MOSMO: variants seen among roughly 807,000 people sequenced by gnomAD.
MOSMO encodes modulator of smoothened protein.
MOSMO carries 5 observed loss-of-function variants against 18.4 expected under a neutral mutation model. That is an observed-to-expected ratio of 0.27 (90% CI 0.14 to 0.57). The LOEUF is 0.57. Ranked by LOEUF, MOSMO falls within the 20% of genes least tolerant of loss-of-function variation. MOSMO has a pLI of 0.92. For missense variants in MOSMO, 138 were observed against 211.8 expected (o/e 0.65, Z 2.16); for synonymous variants, 82 against 82.3 (o/e 1.00, Z 0.02).
At chr16:22,086,430 C>T (rs920511539), downstream of MOSMO, among the ~76,000 whole-genome samples, 3 of 152,120 alleles carry the variant, frequency 2.0e-5, no homozygotes, top group East Asian at 5.8e-4. Flanking sequence ...TGTGTCTGTA[C>T]CACCTCCTCT....
intron 1 of MOSMO, among the ~76,000 whole-genome samples, chr16:22,027,766 C>A (rs2141991981): frequency 6.6e-6 from 1 of 152,270 alleles, no homozygotes; most frequent in Non-Finnish European, 1.5e-5. Context: ...CTGCTAAACA[C>A]CTACTCTACT....
chr16:22,079,670 G>A (rs1901039267), intron 2 of MOSMO, among the ~76,000 whole-genome samples: 2 of 152,194 alleles, frequency 1.3e-5, no homozygotes, highest in Admixed American at 1.3e-4. Context: ...TCAGAAACCA[G>A]ACAGAGATTT....
intron 1 of MOSMO, among the ~76,000 whole-genome samples, chr16:22,011,150 C>T (rs374272331): frequency 1.3e-5 from 2 of 152,196 alleles, no homozygotes; most frequent in South Asian, 2.1e-4. Flanking sequence ...AGCACTGATG[C>T]GTCGTGGAAG....
chr16:22,088,645 G>A (rs1189629320), downstream of MOSMO, among the ~76,000 whole-genome samples: 1 of 152,222 alleles, frequency 6.6e-6, no homozygotes, highest in Non-Finnish European at 1.5e-5. Flanking sequence ...GTAAATTCAT[G>A]TGTTATGTGC....
chr16:22,075,580 C>T lies in MOSMO; in HGVS notation c.200C>T (p.Thr67Ile). 1 of 1,537,294 alleles carries T rather than the reference C, an allele frequency of 6.5e-7. No homozygotes were observed. Among genetic ancestry groups the T allele is most frequent in the Non-Finnish European group, 8.7e-7 (1 of 1,146,900 alleles). ...CCCCGGCTTCCCCCGGAGTGGGTCA[C>T]CACACTGTTTTTTATCATCATGGGA... ...IPPRLPPEWV[T>I]TLFFIIMGII... Residue 67 changes from threonine (T) to isoleucine (I), a missense_variant, in exon 2 of 3, where the codon ACC becomes ATC. Thr to Ile is a moderately conservative substitution (Grantham distance 89, BLOSUM62 -1). Coordinates refer to ENST00000542527, the MANE Select transcript of MOSMO (RefSeq NM_001164579.2).
At chr16:22,030,779 T>C (rs1899977696) in intron 1 of MOSMO, among the ~76,000 whole-genome samples, 1 of 152,246 alleles carries the variant, frequency 6.6e-6, no homozygotes, top group Admixed American at 6.5e-5. Flanking sequence ...TATGCCCACC[T>C]TGGCCTCCCA....
intron 1 of MOSMO, among the ~76,000 whole-genome samples, chr16:22,009,114 T>C (rs1039113348): frequency 6.6e-6 from 1 of 152,170 alleles, no homozygotes; most frequent in African/African-American, 2.4e-5. Context: ...TTTGAGAAGC[T>C]TGTGGCTTCG....
downstream of MOSMO, chr16:22,092,518 C>A (rs997444593): frequency 9.1e-5 from 121 of 1,326,648 alleles, 1 homozygote; most frequent in Admixed American, 2.6e-3. Flanking sequence ...CTAACACATT[C>A]CCGCAGGGCA....
intron 1 of MOSMO, among the ~76,000 whole-genome samples, chr16:22,067,260 C>T (rs575841123): frequency 2.0e-4 from 30 of 151,964 alleles, no homozygotes; most frequent in South Asian, 1.5e-3. Flanking sequence ...ATACACATAA[C>T]GGGAATTCCT....
rs1901089208 is a variant in MOSMO, at chr16:22,081,778, A to G, written c.*898A>G. On this transcript the variant is annotated 3_prime_UTR_variant, in exon 3 of 3. Coordinates refer to ENST00000542527, the MANE Select transcript of MOSMO (RefSeq NM_001164579.2). ...AAAGCCATTTATCTGAAGGCTGCAT[A>G]GTGGAGAGAGTCTTCAGTTTACCTC... The G allele has an allele frequency of 1.3e-5, 2 of 152,082 alleles. No homozygotes were observed. The highest frequency in any genetic ancestry group is 6.6e-5 in the Admixed American group (1 of 15,260). The allele number at this position is 152,082 out of a possible 1,614,324, so 9.4% of individuals were successfully genotyped here. A position where few individuals can be genotyped will look rare whatever the true frequency, so the allele number is the denominator to read the frequency against.
chr16:22,035,499 C>T (rs1184140442), intron 1 of MOSMO, among the ~76,000 whole-genome samples: 1 of 151,758 alleles, frequency 6.6e-6, no homozygotes, highest in East Asian at 1.9e-4. Flanking sequence ...GCCTGGGCCC[C>T]TCTGGAATTT....
chr16:22,049,137 G>A (rs1900373766), intron 1 of MOSMO, among the ~76,000 whole-genome samples: 2 of 152,094 alleles, frequency 1.3e-5, no homozygotes, highest in Admixed American at 1.3e-4. Flanking sequence ...CCCAACCTGT[G>A]TTTCTTGCTG....
intron 2 of MOSMO, among the ~76,000 whole-genome samples, chr16:22,080,319 G>A (rs1202959063): frequency 6.6e-6 from 1 of 152,078 alleles, no homozygotes; most frequent in African/African-American, 2.4e-5. Flanking sequence ...GGGAACCAGA[G>A]GCTTAAGATT....
At chr16:22,091,033 C>T (rs1251771158), downstream of MOSMO, among the ~76,000 whole-genome samples, 1 of 151,110 alleles carries the variant, frequency 6.6e-6, no homozygotes, top group Non-Finnish European at 1.5e-5. Context: ...GGCTCCCGTG[C>T]CTAAAAAAAA....
chr16:22,071,703 T>C (rs1186652662), intron 1 of MOSMO, among the ~76,000 whole-genome samples: 1 of 152,208 alleles, frequency 6.6e-6, no homozygotes, highest in Non-Finnish European at 1.5e-5. Context: ...ATTTCCTTTT[T>C]CCTATTGTGT....
At chr16:22,036,777 A>C (rs538234593) in intron 1 of MOSMO, among the ~76,000 whole-genome samples, 1 of 152,272 alleles carries the variant, frequency 6.6e-6, no homozygotes, top group East Asian at 1.9e-4. Flanking sequence ...CAAACTGCCA[A>C]ATTGTTTTCT....
intron 1 of MOSMO, among the ~76,000 whole-genome samples, chr16:22,039,595 G>A (rs563235718): frequency 5.3e-5 from 8 of 152,314 alleles, no homozygotes; most frequent in African/African-American, 1.9e-4. Context: ...ACTTTGGGGG[G>A]CCAAGGTGGG....
chr16:22,032,061 T>G (rs1047220226), intron 1 of MOSMO, among the ~76,000 whole-genome samples: 1 of 152,202 alleles, frequency 6.6e-6, no homozygotes, highest in African/African-American at 2.4e-5. Context: ...GGGTATGAAG[T>G]AGTTTCTCTT....
chr16:22,012,715 A>C (rs1326308159), intron 1 of MOSMO, among the ~76,000 whole-genome samples: 2 of 147,684 alleles, frequency 1.4e-5, no homozygotes, highest in East Asian at 4.0e-4. Context: ...CTCAGCTTCT[A>C]CTTGAACTAC....
Sources: gnomAD v4.1 joint callset for allele counts (sites outside exome capture counted in the v4.1 genomes callset) on GRCh38, gnomAD v4.1.1 for gene constraint, MANE v1.5 for transcripts, NCBI Gene and HGNC (gene_info 2026-07-23, HGNC 2026-07-21) for gene names.